Variants in HPSE2 observed in about 807,000 individuals in gnomAD.
The protein encoded by HPSE2 is heparanase 2 (inactive).
In HPSE2, 38 loss-of-function variants were observed where a neutral mutation model predicts 60.5. That is an observed-to-expected ratio of 0.63 (90% CI 0.48 to 0.82). The LOEUF (loss-of-function observed/expected upper bound fraction) is 0.82. Ranked by LOEUF, HPSE2 falls within the 40% of genes least tolerant of loss-of-function variation. HPSE2 has a pLI of 0.00. For synonymous variants in HPSE2, 295 were observed against 293.2 expected, an observed-to-expected ratio of 1.01 and a Z score of -0.06; for missense variants, 713 against 740.4, an observed-to-expected ratio of 0.96 and a Z score of 0.43.
At chr10:99,191,579 G>A (rs1564883625) in intron 2 of HPSE2, among the ~76,000 whole-genome samples, 1 of 152,228 alleles carries the variant, frequency 6.6e-6, no homozygotes, top group Non-Finnish European at 1.5e-5. Context: ...GCCCCCTCAT[G>A]CAGATATAGC....
rs1297374312 is a variant in HPSE2 at position 98,998,102 on chromosome 10, C to T, written c.610+146136G>A. 2.6e-5 allele frequency among the ~76,000 whole-genome samples: 4 copies of T among 152,138 alleles called. No homozygotes were observed. The East Asian group carries it at 7.7e-4, about 29-fold the overall frequency. On this transcript the variant is annotated intron_variant, in intron 3 of 11. Transcript: ENST00000370552. ...AGTCTCCATTCCAGGTACTACACTA[C>T]ATACAAGTTTAGCTGTGCTGAAATT...
At chr10:99,155,166 AC>A (rs1421406400) in intron 2 of HPSE2, among the ~76,000 whole-genome samples, 2 of 140,400 alleles carry the variant, frequency 1.4e-5, no homozygotes, top group African/African-American at 5.2e-5. Context: ...AGACTTTAAC[AC>A]CCCACTGTCA....
intron 7 of HPSE2, among the ~76,000 whole-genome samples, chr10:98,621,965 A>C (rs1409218509): frequency 1.3e-5 from 2 of 152,216 alleles, no homozygotes; most frequent in African/African-American, 4.8e-5. Context: ...GATAAAGAAA[A>C]TAGTGTATTT....
At chr10:98,974,043 C>T (rs1161899193) in intron 3 of HPSE2, among the ~76,000 whole-genome samples, 2 of 152,042 alleles carry the variant, frequency 1.3e-5, no homozygotes, top group Admixed American at 1.3e-4. Flanking sequence ...GTAATCCCAG[C>T]ACTTTGGGAG....
chr10:99,183,742 C>T (rs931625270), intron 2 of HPSE2, among the ~76,000 whole-genome samples: 3 of 152,138 alleles, frequency 2.0e-5, no homozygotes, highest in Non-Finnish European at 4.4e-5. Flanking sequence ...TAGACCAAAC[C>T]CCTGGTGTTT....
intron 3 of HPSE2, among the ~76,000 whole-genome samples, chr10:99,093,854 C>G (rs555188171): frequency 1.1e-4 from 16 of 151,020 alleles, no homozygotes; most frequent in Non-Finnish European, 2.4e-4. Flanking sequence ...TATCCCATAC[C>G]CTGCCTGTGT....
intron 9 of HPSE2, among the ~76,000 whole-genome samples, chr10:98,564,330 T>C (rs1429768177): frequency 6.6e-6 from 1 of 152,236 alleles, no homozygotes; most frequent in Non-Finnish European, 1.5e-5. Context: ...ATTTTCCTCA[T>C]CTTTAAATAT....
intron 3 of HPSE2, among the ~76,000 whole-genome samples, chr10:98,796,325 C>A (rs1029263479): frequency 3.3e-5 from 5 of 151,896 alleles, no homozygotes; most frequent in Admixed American, 2.6e-4. Flanking sequence ...GGCCTGGCAG[C>A]ATTCACCACA....
chr10:98,542,805 C>A (rs1028533130), intron 9 of HPSE2, among the ~76,000 whole-genome samples: 132 of 152,260 alleles, frequency 8.7e-4, no homozygotes, highest in Middle Eastern at 6.8e-3. Context: ...ACGAGCAAAG[C>A]CTCCAAGAAA....
chr10:99,153,494 T>C (rs1846377295), intron 2 of HPSE2, among the ~76,000 whole-genome samples: 1 of 152,024 alleles, frequency 6.6e-6, no homozygotes, highest in Admixed American at 6.6e-5. Flanking sequence ...AGGGACACAC[T>C]GACACCTCAC....
chr10:99,210,270 ATC>A (rs1397901446), intron 2 of HPSE2, among the ~76,000 whole-genome samples: 2 of 152,202 alleles, frequency 1.3e-5, no homozygotes, highest in East Asian at 3.9e-4. Flanking sequence ...AGGAGACTGA[ATC>A]AGAAATAAAA....
chr10:98,948,069 G>A (rs1333071597), intron 3 of HPSE2, among the ~76,000 whole-genome samples: 1 of 152,078 alleles, frequency 6.6e-6, no homozygotes, highest in Non-Finnish European at 1.5e-5. Context: ...CTACAGGAAA[G>A]GATTTCAACA....
At chr10:99,019,974 A>T (rs1249934969) in intron 3 of HPSE2, among the ~76,000 whole-genome samples, 1 of 152,042 alleles carries the variant, frequency 6.6e-6, no homozygotes, top group Non-Finnish European at 1.5e-5. Context: ...AGCCTCCCAA[A>T]GTGCTGGGAT....
intron 3 of HPSE2, among the ~76,000 whole-genome samples, chr10:98,791,448 T>C (rs775818906): frequency 6.6e-6 from 1 of 152,196 alleles, no homozygotes; most frequent in Non-Finnish European, 1.5e-5. Context: ...ACAGACTATA[T>C]GTTTAGCACA....
chr10:98,996,955 A>G (rs1326390156), intron 3 of HPSE2, among the ~76,000 whole-genome samples: 1 of 152,212 alleles, frequency 6.6e-6, no homozygotes, highest in Non-Finnish European at 1.5e-5. Flanking sequence ...GGGTAACACA[A>G]GAGTAGGCAT....
chr10:99,025,872 T>G (rs1206809377), intron 3 of HPSE2, among the ~76,000 whole-genome samples: 2 of 97,070 alleles, frequency 2.1e-5, no homozygotes, highest in Non-Finnish European at 4.7e-5. Flanking sequence ...GCCCCAAACC[T>G]AAAAGAAAAG....
intron 3 of HPSE2, among the ~76,000 whole-genome samples, chr10:99,098,669 C>A (rs908724338): frequency 6.6e-6 from 1 of 152,102 alleles, no homozygotes; most frequent in African/African-American, 2.4e-5. Context: ...AATATTGCTA[C>A]TTTATTTATT....
intron 3 of HPSE2, among the ~76,000 whole-genome samples, chr10:98,909,319 C>G (rs1478075985): frequency 6.6e-6 from 1 of 151,652 alleles, no homozygotes; most frequent in Non-Finnish European, 1.5e-5. Flanking sequence ...AGTTCCACAA[C>G]TGGTATTCAA....
intron 3 of HPSE2, among the ~76,000 whole-genome samples, chr10:99,072,802 G>A (rs963561191): frequency 7.9e-5 from 12 of 151,944 alleles, no homozygotes; most frequent in South Asian, 4.2e-4. Flanking sequence ...GGTGGTGCAC[G>A]CCTATAGTCC....
Sources: allele counts gnomAD v4.1 joint callset (sites outside exome capture counted in the v4.1 genomes callset), GRCh38; gene constraint gnomAD v4.1.1; transcripts MANE v1.5; gene names NCBI Gene and HGNC (gene_info 2026-07-23, HGNC 2026-07-21).